Variants in PRKN observed in about 807,000 individuals in gnomAD.
PRKN encodes parkin RBR E3 ubiquitin protein ligase, also known as E3 ubiquitin-protein ligase parkin.
A neutral mutation model predicts 59.5 loss-of-function variants in PRKN; 56 were observed. That is an observed-to-expected ratio of 0.94 (90% CI 0.76 to 1.18). PRKN has a LOEUF of 1.18. Ranked by LOEUF, PRKN falls within the 50% of genes most tolerant of loss-of-function variation. PRKN has a pLI of 0.00. For synonymous variants in PRKN, 250 were observed against 222.1 expected (o/e 1.13, Z -1.12); for missense variants, 657 against 596.4 (o/e 1.10, Z -1.06).
intron 6 of PRKN, among the ~76,000 whole-genome samples, chr6:161,902,548 A>ATTTTT (rs1777960324): frequency 1.7e-5 from 1 of 60,226 alleles, no homozygotes; most frequent in African/African-American, 4.6e-5. Context: ...CTATCTATCT[A>ATTTTT]TTTATTTATT....
chr6:162,324,427 G>T lies in PRKN; in HGVS notation c.172-61662C>A, dbSNP rs551550423. Among the ~76,000 whole-genome samples the T allele has an allele frequency of 2.6e-5, 4 of 152,216 alleles. No individual in the cohort carries two copies. The South Asian group carries it at 8.3e-4, about 32-fold the overall frequency. On this transcript the variant is annotated intron_variant, in intron 2 of 11. Coordinates refer to ENST00000366898, the MANE Select transcript of PRKN (RefSeq NM_004562.3). ...ATATGCCAGATACATGCAGTTTATT[G>T]TATGTTGATTATGCCTCAATAAATC...
At chr6:162,037,544 CTT>C (rs543590715) in intron 5 of PRKN, among the ~76,000 whole-genome samples, 44 of 137,230 alleles carry the variant, frequency 3.2e-4, no homozygotes, top group Admixed American at 5.9e-4. Flanking sequence ...TTACCCTCTG[CTT>C]TTTTTTTTTT....
intron 6 of PRKN, among the ~76,000 whole-genome samples, chr6:161,851,454 A>G (rs952347549): frequency 6.6e-6 from 1 of 151,442 alleles, no homozygotes; most frequent in Admixed American, 6.6e-5. Flanking sequence ...TTCAAGAATC[A>G]CTCTTATATT....
At chr6:162,239,690 C>T (rs1778904230) in intron 3 of PRKN, among the ~76,000 whole-genome samples, 1 of 152,040 alleles carries the variant, frequency 6.6e-6, no homozygotes, top group Non-Finnish European at 1.5e-5. Context: ...GAGAATTCTG[C>T]TTGCAGCCCA....
At chr6:162,444,451 T>C (rs570569412) in intron 1 of PRKN, among the ~76,000 whole-genome samples, 11 of 152,002 alleles carry the variant, frequency 7.2e-5, no homozygotes, top group Admixed American at 1.3e-4. Flanking sequence ...ATTTTCTTCA[T>C]TAATCTCCAT....
At chr6:162,524,360 G>T (rs1233234031) in intron 1 of PRKN, among the ~76,000 whole-genome samples, 1 of 152,174 alleles carries the variant, frequency 6.6e-6, no homozygotes, top group South Asian at 2.1e-4. Flanking sequence ...TCATTTGGAG[G>T]AGTCATTTTA....
At chr6:162,646,744 T>G (rs999711896) in intron 1 of PRKN, among the ~76,000 whole-genome samples, 1 of 152,142 alleles carries the variant, frequency 6.6e-6, no homozygotes, top group African/African-American at 2.4e-5. Context: ...CTAGGCTGTA[T>G]GGTAGAGCCT....
At chr6:162,216,474 G>A (rs569903440) in intron 3 of PRKN, among the ~76,000 whole-genome samples, 28 of 143,950 alleles carry the variant, frequency 1.9e-4, no homozygotes, top group Admixed American at 1.9e-3. Context: ...AGCTTGCAGT[G>A]AGCCGAGATT....
chr6:161,987,205 A>T (rs906066846), intron 5 of PRKN, among the ~76,000 whole-genome samples: 1 of 152,242 alleles, frequency 6.6e-6, no homozygotes, highest in African/African-American at 2.4e-5. Context: ...AATAAAATGT[A>T]ATTTGTAAAT....
chr6:162,114,260 T>C (rs1346517903), intron 4 of PRKN, among the ~76,000 whole-genome samples: 1 of 151,996 alleles, frequency 6.6e-6, no homozygotes, highest in Non-Finnish European at 1.5e-5. Flanking sequence ...AGAAAGTCAT[T>C]GGTAGCTTGA....
Position 162,380,997 on chromosome 6 carries a change from T to G in PRKN, c.171+62313A>C, listed in dbSNP as rs115152803. Among the ~76,000 whole-genome samples the G allele has an allele frequency of 6.3e-3, 955 of 152,236 alleles. 13 individuals carry two copies. Among genetic ancestry groups the G allele is most frequent in the African/African-American group, 0.022 (905 of 41,540 alleles). ...CCAGATAAGGAAAACCGCCATGGAT[T>G]CAGCCAGACTTAGAGCAGGATCCGC... On this transcript the variant is annotated intron_variant, in intron 2 of 11. Transcript: ENST00000366898.
intron 6 of PRKN, among the ~76,000 whole-genome samples, chr6:161,926,406 T>C (rs990413952): frequency 1.3e-5 from 2 of 152,220 alleles, no homozygotes; most frequent in Non-Finnish European, 2.9e-5. Flanking sequence ...TCTCCCTCAC[T>C]TGACTTACCC....
chr6:161,993,131 GACAAGA>G (rs1714601234), intron 5 of PRKN, among the ~76,000 whole-genome samples: 1 of 151,778 alleles, frequency 6.6e-6, no homozygotes, highest in Admixed American at 6.6e-5. Context: ...ATGAGATAGA[GACAAGA>G]AAAATGTAAA....
chr6:161,387,982 G>C (rs1301092009), intron 9 of PRKN, among the ~76,000 whole-genome samples: 2 of 152,212 alleles, frequency 1.3e-5, no homozygotes, highest in African/African-American at 4.8e-5. Flanking sequence ...GTACAAAGAA[G>C]AAAGCTGGAA....
intron 1 of PRKN, among the ~76,000 whole-genome samples, chr6:162,592,596 A>G (rs549266840): frequency 5.5e-4 from 84 of 152,244 alleles, no homozygotes; most frequent in African/African-American, 1.9e-3. Flanking sequence ...AAAGAGTAAA[A>G]CAGACACAAC....
At chr6:162,289,249 C>A (rs1266205516) in intron 2 of PRKN, among the ~76,000 whole-genome samples, 3 of 152,074 alleles carry the variant, frequency 2.0e-5, no homozygotes, top group African/African-American at 2.4e-5. Context: ...CATCGTCCTG[C>A]CTCTGTGCTT....
At chr6:161,580,048 C>T (rs952070274) in intron 7 of PRKN, among the ~76,000 whole-genome samples, 8 of 152,068 alleles carry the variant, frequency 5.3e-5, no homozygotes, top group Non-Finnish European at 8.8e-5. Context: ...GGGTGAGATA[C>T]ATTTGAAAGA....
intron 7 of PRKN, among the ~76,000 whole-genome samples, chr6:161,645,188 T>C (rs1401126435): frequency 6.6e-6 from 1 of 151,536 alleles, no homozygotes; most frequent in South Asian, 2.1e-4. Context: ...ATATGACTGA[T>C]GATGTTTCAA....
chr6:162,679,159 G>T (rs370634070), intron 1 of PRKN, among the ~76,000 whole-genome samples: 1 of 151,296 alleles, frequency 6.6e-6, no homozygotes, highest in East Asian at 1.9e-4. Context: ...GAGTGCAATG[G>T]TGCAATCTCG....
Sources: gnomAD v4.1 joint callset for allele counts (sites outside exome capture counted in the v4.1 genomes callset) on GRCh38, gnomAD v4.1.1 for gene constraint, MANE v1.5 for transcripts, NCBI Gene and HGNC (gene_info 2026-07-23, HGNC 2026-07-21) for gene names.